Variants in MITF observed in about 807,000 individuals in gnomAD.
MITF encodes the protein melanocyte inducing transcription factor.
A neutral mutation model predicts 60.5 loss-of-function variants in MITF; 17 were observed. That is an observed-to-expected ratio of 0.28 (90% confidence interval 0.19 to 0.42). The LOEUF (loss-of-function observed/expected upper bound fraction) is 0.42. Among genes scored for constraint, MITF ranks in the 10% least tolerant of loss-of-function variants. The pLI is 1.00. For missense variants in MITF, 622 were observed against 683.5 expected, an observed-to-expected ratio of 0.91 and a Z score of 1.00; for synonymous variants, 260 against 248.5, an observed-to-expected ratio of 1.05 and a Z score of -0.43.
chr3:69,889,611 C>G (rs1244773729), intron 2 of MITF, among the ~76,000 whole-genome samples: 3 of 151,510 alleles, frequency 2.0e-5, no homozygotes, highest in African/African-American at 7.3e-5. Flanking sequence ...ACATTTTTTC[C>G]TAAGTCTTTG....
intron 7 of MITF, among the ~76,000 whole-genome samples, chr3:69,954,179 T>C (rs1010170195): frequency 3.9e-5 from 6 of 152,090 alleles, no homozygotes; most frequent in African/African-American, 1.2e-4. Flanking sequence ...AGCTATATGC[T>C]GGTGAGTGAA....
chr3:69,953,569 A>G (rs1403842770), intron 7 of MITF, among the ~76,000 whole-genome samples: 3 of 150,372 alleles, frequency 2.0e-5, no homozygotes, highest in African/African-American at 7.3e-5. Context: ...CCATTACTGT[A>G]TGTATGTGTG....
intron 1 of MITF, among the ~76,000 whole-genome samples, chr3:69,772,394 A>G (rs561616633): frequency 1.1e-4 from 17 of 152,318 alleles, no homozygotes; most frequent in Admixed American, 8.5e-4. Flanking sequence ...TTCATGCCAG[A>G]AAGTTTTTGG....
chr3:69,909,172 G>T (rs1016398393), intron 2 of MITF, among the ~76,000 whole-genome samples: 1 of 152,112 alleles, frequency 6.6e-6, no homozygotes, highest in Non-Finnish European at 1.5e-5. Context: ...TGGTTCTCAT[G>T]ATAGTGAATG....
chr3:69,914,829 T>A (rs1200815643), intron 2 of MITF, among the ~76,000 whole-genome samples: 1 of 152,196 alleles, frequency 6.6e-6, no homozygotes, highest in Admixed American at 6.5e-5. Context: ...ACTTTTTTCC[T>A]TTAGCAGTTA....
chr3:69,779,956 T>G (rs576075555), intron 1 of MITF, among the ~76,000 whole-genome samples: 12 of 152,178 alleles, frequency 7.9e-5, no homozygotes, highest in African/African-American at 2.9e-4. Context: ...TAGGACACCT[T>G]TGGGAGGCTC....
At chr3:69,820,974 T>C (rs953517484) in intron 1 of MITF, among the ~76,000 whole-genome samples, 7 of 152,096 alleles carry the variant, frequency 4.6e-5, no homozygotes, top group African/African-American at 1.4e-4. Context: ...AATGAGATTT[T>C]CCACAACTTT....
At chr3:69,778,963 A>G (rs2062519925) in intron 1 of MITF, 1 of 152,182 alleles carries the variant, frequency 6.6e-6, no homozygotes, top group Non-Finnish European at 1.5e-5. Context: ...ACCCTTTATG[A>G]TGACTTTTGA....
chr3:69,834,751 C>G (rs1356073814), intron 1 of MITF, among the ~76,000 whole-genome samples: 2 of 151,602 alleles, frequency 1.3e-5, no homozygotes, highest in Non-Finnish European at 2.9e-5. Context: ...AACCTTCCTA[C>G]TGTTTTCCAA....
intron 1 of MITF, among the ~76,000 whole-genome samples, chr3:69,764,585 C>T (rs751359576): frequency 5.3e-5 from 8 of 152,144 alleles, no homozygotes; most frequent in Non-Finnish European, 1.0e-4. Flanking sequence ...TTCTGATGTG[C>T]CCTTTAATAA....
chr3:69,748,225 C>A (rs1040670429), intron 1 of MITF, among the ~76,000 whole-genome samples: 1 of 152,176 alleles, frequency 6.6e-6, no homozygotes, highest in African/African-American at 2.4e-5. Flanking sequence ...CAAGTACCCA[C>A]AGAGTGATAA....
intron 1 of MITF, among the ~76,000 whole-genome samples, chr3:69,855,779 T>G (rs2063908244): frequency 6.6e-6 from 1 of 152,180 alleles, no homozygotes; most frequent in Non-Finnish European, 1.5e-5. Flanking sequence ...CAGAGTGACC[T>G]TCACAGCATT....
At chr3:69,921,630 C>T (rs1396073801) in intron 2 of MITF, among the ~76,000 whole-genome samples, 1 of 152,120 alleles carries the variant, frequency 6.6e-6, no homozygotes, top group Non-Finnish European at 1.5e-5. Context: ...CTAGAAACAT[C>T]TCCTTTGCAT....
At position 69,739,505 on chromosome 3, in the gene MITF, G is replaced by A; in HGVS notation, c.-93G>A. On this transcript the variant is annotated 5_prime_UTR_variant, in exon 1 of 10. Coordinates refer to ENST00000352241, the MANE Select transcript of MITF (RefSeq NM_001354604.2). Reference sequence around the variant, plus strand: ...GCAGAGCTCGGCACTGCGCCGGGGCGCACGGCTCGGGGGACCCAGGCCCAG... The same window carrying A: ...GCAGAGCTCGGCACTGCGCCGGGGCACACGGCTCGGGGGACCCAGGCCCAG... 8.3e-7 allele frequency: 1 copy of A among 1,201,182 alleles called. No homozygotes were observed. 74.4% of individuals were successfully genotyped at this position (1,201,182 alleles called of 1,614,324 possible).
Position 69,833,044 on chromosome 3 carries a change from A to G in MITF, c.105-46090A>G, listed in dbSNP as rs372568088. On this transcript the variant is annotated intron_variant, in intron 1 of 9. Coordinates refer to ENST00000352241, the MANE Select transcript of MITF (RefSeq NM_001354604.2). ...ACTGTATGTGATTGTTTCTCTGTTC[A>G]CACTGTATGTGATTGTTTTTCTATT... Among the ~76,000 whole-genome samples, 17 of 152,190 alleles carry G rather than the reference A, an allele frequency of 1.1e-4. No homozygotes were observed. The East Asian group carries it at 1.7e-3, about 16-fold the overall frequency.
At chr3:69,962,805 G>A (rs2066583078) in intron 9 of MITF, among the ~76,000 whole-genome samples, 1 of 152,018 alleles carries the variant, frequency 6.6e-6, no homozygotes, top group African/African-American at 2.4e-5. Flanking sequence ...GGGAATCAAG[G>A]GTATTTAGGA....
intron 1 of MITF, among the ~76,000 whole-genome samples, chr3:69,809,882 A>G (rs2063073376): frequency 1.3e-5 from 2 of 151,922 alleles, no homozygotes; most frequent in Non-Finnish European, 2.9e-5. Context: ...AGAAGCGGAG[A>G]CTCTCTTATG....
At chr3:69,959,214 T>C in intron 8 of MITF, 59 bp from the exon 9 acceptor site, 1 of 1,598,392 alleles carries the variant, frequency 6.3e-7, no homozygotes, top group Non-Finnish European at 8.6e-7. Context: ...CTTTGAATAT[T>C]GAATTTTCAT....
At chr3:69,803,454 C>T (rs1261584254) in intron 1 of MITF, among the ~76,000 whole-genome samples, 1 of 152,080 alleles carries the variant, frequency 6.6e-6, no homozygotes, top group Non-Finnish European at 1.5e-5. Context: ...AGAAGGAACT[C>T]TTCCTTGGAC....
Sources: gnomAD v4.1 joint callset for allele counts (sites outside exome capture counted in the v4.1 genomes callset) on GRCh38, gnomAD v4.1.1 for gene constraint, MANE v1.5 for transcripts, NCBI Gene and HGNC (gene_info 2026-07-23, HGNC 2026-07-21) for gene names.